PACRG: variants seen among roughly 807,000 people sequenced by gnomAD.
The protein encoded by PACRG is parkin coregulated.
A neutral mutation model predicts 29.7 loss-of-function variants in PACRG; 29 were observed. That is an observed-to-expected ratio of 0.98 (90% CI 0.73 to 1.33). The LOEUF is 1.33. Ranked by LOEUF, PACRG falls within the 40% of genes most tolerant of loss-of-function variation. The pLI is 0.00. For synonymous variants in PACRG, 116 were observed against 118.7 expected, an observed-to-expected ratio of 0.98 and a Z score of 0.15; for missense variants, 279 against 316.2, an observed-to-expected ratio of 0.88 and a Z score of 0.89.
At chr6:162,771,950 A>G (rs1166182192) in intron 1 of PACRG, among the ~76,000 whole-genome samples, 1 of 152,180 alleles carries the variant, frequency 6.6e-6, no homozygotes, top group Non-Finnish European at 1.5e-5. Flanking sequence ...AGCAGGATAA[A>G]ATACCCTGCT....
chr6:163,068,467 G>A (rs1290782996), intron 3 of PACRG, among the ~76,000 whole-genome samples: 1 of 147,712 alleles, frequency 6.8e-6, no homozygotes, highest in East Asian at 2.1e-4. Context: ...AATTTTATGT[G>A]GATATACTTT....
intron 1 of PACRG, among the ~76,000 whole-genome samples, chr6:162,775,507 C>T (rs1255982170): frequency 6.6e-6 from 1 of 151,954 alleles, no homozygotes; most frequent in Non-Finnish European, 1.5e-5. Context: ...ACTTAAATGC[C>T]CTTTGATAAC....
chr6:162,747,743 A>G (rs1309510872), intron 1 of PACRG, among the ~76,000 whole-genome samples: 1 of 151,888 alleles, frequency 6.6e-6, no homozygotes, highest in Non-Finnish European at 1.5e-5. Flanking sequence ...GATTTCACAT[A>G]GACAATAATT....
intron 4 of PACRG, among the ~76,000 whole-genome samples, chr6:163,216,802 T>G (rs1781381919): frequency 6.6e-6 from 1 of 152,218 alleles, no homozygotes; most frequent in South Asian, 2.1e-4. Flanking sequence ...ATTATTTATA[T>G]TTAGGAAACC....
At chr6:163,012,860 G>A (rs1805743102) in intron 2 of PACRG, among the ~76,000 whole-genome samples, 1 of 151,976 alleles carries the variant, frequency 6.6e-6, no homozygotes, top group South Asian at 2.1e-4. Flanking sequence ...CGAGTACTCA[G>A]TAAGTGTTCA....
At chr6:163,079,319 A>G (rs1422470406) in intron 3 of PACRG, among the ~76,000 whole-genome samples, 3 of 152,030 alleles carry the variant, frequency 2.0e-5, no homozygotes, top group Non-Finnish European at 2.9e-5. Flanking sequence ...TCGATCAAAT[A>G]TAGATACATG....
intron 2 of PACRG, among the ~76,000 whole-genome samples, chr6:162,875,122 T>C (rs916154589): frequency 6.6e-6 from 1 of 151,996 alleles, no homozygotes; most frequent in Non-Finnish European, 1.5e-5. Context: ...CACACATACA[T>C]AGTCATGCAC....
chr6:163,160,176 A>G (rs912967416), intron 4 of PACRG, among the ~76,000 whole-genome samples: 4 of 152,332 alleles, frequency 2.6e-5, no homozygotes, highest in East Asian at 1.9e-4. Flanking sequence ...TTTGGACACA[A>G]GTTTGATGAG....
intron 3 of PACRG, among the ~76,000 whole-genome samples, chr6:163,062,642 T>C (rs987817567): frequency 1.1e-4 from 17 of 152,192 alleles, no homozygotes; most frequent in African/African-American, 4.1e-4. Flanking sequence ...TTCCAAGTCT[T>C]TTTTTTGTAA....
At chr6:163,185,211 G>T (rs767052095) in intron 4 of PACRG, among the ~76,000 whole-genome samples, 2 of 151,950 alleles carry the variant, frequency 1.3e-5, no homozygotes, top group African/African-American at 2.4e-5. Context: ...GCAGCCGTAC[G>T]CTGGGAGTCA....
At position 162,741,059 on chromosome 6, in the gene PACRG, T is replaced by G. The variant is rs759657401; in HGVS notation, c.156+12668T>G. 3.9e-5 allele frequency among the ~76,000 whole-genome samples: 6 copies of G among 152,216 alleles called. 1 individual carries two copies. The highest frequency in any genetic ancestry group is 5.9e-5 in the Non-Finnish European group (4 of 68,034). ...TATGTGAATACATATATTCTAATGC[T>G]GAATTATCCTTATATTCTTTTACAT... On this transcript the variant is annotated intron_variant, in intron 1 of 4. Coordinates refer to ENST00000366888, the MANE Select transcript of PACRG (RefSeq NM_001080379.2).
At chr6:162,930,590 C>T (rs1797777377) in intron 2 of PACRG, among the ~76,000 whole-genome samples, 1 of 151,802 alleles carries the variant, frequency 6.6e-6, no homozygotes. Flanking sequence ...GTTTATTTCT[C>T]TTACCTAATT....
At chr6:163,281,944 T>G (rs1784238973) in intron 4 of PACRG, among the ~76,000 whole-genome samples, 1 of 152,220 alleles carries the variant, frequency 6.6e-6, no homozygotes, top group South Asian at 2.1e-4. Context: ...ATGAGTATCA[T>G]GTGCACAAGA....
chr6:162,921,533 A>G (rs919946978), intron 2 of PACRG, among the ~76,000 whole-genome samples: 1 of 152,150 alleles, frequency 6.6e-6, no homozygotes, highest in South Asian at 2.1e-4. Context: ...ACTTTGAAAC[A>G]TGGAGATGCT....
At chr6:163,140,162 G>A (rs977086975) in intron 4 of PACRG, among the ~76,000 whole-genome samples, 14 of 152,176 alleles carry the variant, frequency 9.2e-5, no homozygotes, top group Non-Finnish European at 5.9e-5. Context: ...TGCTATGTAC[G>A]AAGCACGCAG....
chr6:163,284,740 G>C, intron 4 of PACRG, among the ~76,000 whole-genome samples: 1 of 151,810 alleles, frequency 6.6e-6, no homozygotes, highest in Non-Finnish European at 1.5e-5. Flanking sequence ...TCAGGGACTC[G>C]GCCTTCATGT....
chr6:162,799,820 C>G (rs1364337186), intron 1 of PACRG, among the ~76,000 whole-genome samples: 2 of 152,150 alleles, frequency 1.3e-5, no homozygotes, highest in East Asian at 1.9e-4. Flanking sequence ...TTAATAGATA[C>G]AAAAATAACA....
At chr6:162,857,243 G>A (rs1791479167) in intron 2 of PACRG, among the ~76,000 whole-genome samples, 1 of 152,174 alleles carries the variant, frequency 6.6e-6, no homozygotes, top group African/African-American at 2.4e-5. Context: ...TTGTTCTTTT[G>A]TTCCTTGTGT....
chr6:162,859,262 G>A (rs1485179699), intron 2 of PACRG, among the ~76,000 whole-genome samples: 1 of 152,068 alleles, frequency 6.6e-6, no homozygotes, highest in Admixed American at 6.5e-5. Flanking sequence ...AATGTACAAT[G>A]ATAAAAACAT....
Sources: gnomAD v4.1 joint callset for allele counts (sites outside exome capture counted in the v4.1 genomes callset) on GRCh38, gnomAD v4.1.1 for gene constraint, MANE v1.5 for transcripts, NCBI Gene and HGNC (gene_info 2026-07-23, HGNC 2026-07-21) for gene names.